The following TRPM8 variants were observed in gnomAD, a reference collection of about 807,000 sequenced individuals.
TRPM8 encodes TRPM8 cationic channel.
Under a neutral mutation model 133.7 loss-of-function variants are expected in TRPM8, and 110 were observed. The observed-to-expected ratio is 0.82, with a 90% confidence interval of 0.70 to 0.96. The LOEUF is 0.96. TRPM8 is among the 40% of genes least tolerant of loss of function. The pLI is 0.00. For missense variants in TRPM8, 1,291 were observed against 1,379.5 expected (o/e 0.94, Z 1.02); for synonymous variants, 535 against 532.3 (o/e 1.01, Z -0.07).
intron 21 of TRPM8, among the ~76,000 whole-genome samples, chr2:233,987,867 T>C (rs1692184980): frequency 6.7e-6 from 1 of 150,254 alleles, no homozygotes; most frequent in Admixed American, 6.6e-5. Context: ...GCTCTCATTC[T>C]GTTTGCCTGC....
intron 6 of TRPM8, 67 bp downstream of exon 6, chr2:233,942,815 C>A (rs761159630): frequency 1.3e-6 from 2 of 1,595,182 alleles, no homozygotes; most frequent in Admixed American, 1.7e-5. Flanking sequence ...GGGCCTGTGG[C>A]CTGAACCCTG....
chr2:233,961,158 TGCC>T, intron 12 of TRPM8, 92 bp downstream of exon 12: 1 of 1,258,958 alleles, frequency 7.9e-7, no homozygotes, highest in South Asian at 1.5e-5. Flanking sequence ...CCTATCTTAT[TGCC>T]ATAAAATACT....
intron 22 of TRPM8, among the ~76,000 whole-genome samples, chr2:233,998,942 G>A (rs980178122): frequency 5.3e-5 from 8 of 152,216 alleles, no homozygotes; most frequent in African/African-American, 1.4e-4. Context: ...GTGCTGACAA[G>A]GGATGTAGAG....
intron 2 of TRPM8, among the ~76,000 whole-genome samples, chr2:233,928,997 C>CTTTTTTTTT (rs750819533): frequency 8.5e-6 from 1 of 117,792 alleles, no homozygotes; most frequent in African/African-American, 3.9e-5. Context: ...AGTTTCTTTT[C>CTTTTTTTTT]TTTTTTTTTT....
Position 233,933,016 on chromosome 2 carries a change from C to T in TRPM8, c.191+2275C>T, listed in dbSNP as rs75484131. Among the ~76,000 whole-genome samples, 475 of 151,642 alleles carry T rather than the reference C, an allele frequency of 3.1e-3. 4 individuals are homozygous for T. Among genetic ancestry groups the T allele is most frequent in the African/African-American group, 0.011 (460 of 41,280 alleles). On this transcript the variant is annotated intron_variant, in intron 3 of 25. Transcript: ENST00000324695. ...CCTCTCTACTCTAACTTCTTGTGGACGCTACTGCAAGATGGTGCCGCACTT... is the reference window on the plus strand; with the variant it reads ...CCTCTCTACTCTAACTTCTTGTGGATGCTACTGCAAGATGGTGCCGCACTT...
chr2:233,949,485 T>C lies in TRPM8; in HGVS notation c.943-464T>C, dbSNP rs1691123680. ...TTATTTGAGGAGGGAAATATGTGAGTAAACATCACATAAAACATGTGGCTG... is the reference window on the plus strand; with the variant it reads ...TTATTTGAGGAGGGAAATATGTGAGCAAACATCACATAAAACATGTGGCTG... On this transcript the variant is annotated intron_variant, in intron 8 of 25. Coordinates refer to ENST00000324695, the MANE Select transcript of TRPM8 (RefSeq NM_024080.5). Among the ~76,000 whole-genome samples, 3 of 152,212 alleles carry C rather than the reference T, an allele frequency of 2.0e-5. 1 individual carries two copies. Among genetic ancestry groups the C allele is most frequent in the Non-Finnish European group, 4.4e-5 (3 of 68,044 alleles).
chr2:233,954,896 T>C (rs1476466904), intron 10 of TRPM8: 1 of 403,546 alleles, frequency 2.5e-6, no homozygotes, highest in Non-Finnish European at 4.5e-6. Context: ...TGCTAGGATA[T>C]GCAATGGAAA....
intron 3 of TRPM8, among the ~76,000 whole-genome samples, chr2:233,935,303 C>T (rs1691768626): frequency 6.6e-6 from 1 of 152,202 alleles, no homozygotes; most frequent in Admixed American, 6.5e-5. Context: ...GCTCCAGAGT[C>T]ACCATGTATG....
At chr2:233,924,588 T>G (rs143061518) in intron 1 of TRPM8, among the ~76,000 whole-genome samples, 53 of 152,300 alleles carry the variant, frequency 3.5e-4, no homozygotes, top group East Asian at 2.7e-3. Flanking sequence ...GAATATCAAC[T>G]GGTCTCAGAG....
intron 11 of TRPM8, among the ~76,000 whole-genome samples, chr2:233,958,348 G>T (rs1317092653): frequency 2.0e-5 from 3 of 152,210 alleles, no homozygotes; most frequent in Non-Finnish European, 4.4e-5. Context: ...AAGGTTGAGA[G>T]CAAAGATGTG....
rs766553250 is a variant in TRPM8, at chr2:233,955,240, G to A, written c.1352G>A (p.Arg451His). 10 of 1,613,426 alleles carry A rather than the reference G, an allele frequency of 6.2e-6. No individual in the cohort carries two copies. Among genetic ancestry groups the A allele is most frequent in the South Asian group, 2.2e-5 (2 of 91,050 alleles). The stretch of plus-strand genomic sequence containing the variant: ...AATGATGAGATTTTCACCAATGACC[G>A]CCGATGGGAGGTAAGCACGAAGCTC... ...LANDEIFTNDRRWESADLQEV... is the reference protein window; with the variant it reads ...LANDEIFTNDHRWESADLQEV... Residue 451 changes from arginine to histidine, a missense_variant, in exon 11 of 26, where the codon CGC (arginine) becomes CAC (histidine). Around this residue, in one of 2 missense-constraint regions of TRPM8, gnomAD observed 963 missense variants for 968.9 expected, o/e 0.99. Transcript: ENST00000324695.
At chr2:233,984,048 A>G (rs1692080093) in intron 20 of TRPM8, among the ~76,000 whole-genome samples, 1 of 152,200 alleles carries the variant, frequency 6.6e-6, no homozygotes, top group Non-Finnish European at 1.5e-5. Flanking sequence ...GCCGCTTTAC[A>G]GAAGCAGACG....
chr2:233,982,058 G>A, intron 19 of TRPM8, 143 bp downstream of exon 19: 2 of 922,880 alleles, frequency 2.2e-6, no homozygotes, highest in Non-Finnish European at 1.6e-6. Context: ...TATTTCATCA[G>A]GGGCCTCTCC....
At chr2:233,951,073 A>C (rs968202009) in intron 9 of TRPM8, among the ~76,000 whole-genome samples, 1 of 149,352 alleles carries the variant, frequency 6.7e-6, no homozygotes, top group South Asian at 2.1e-4. Context: ...AACAAACAAA[A>C]ATTACCCAGG....
intron 11 of TRPM8, 99 bp from the exon 12 acceptor site, chr2:233,960,677 G>A (rs1691410108): frequency 2.3e-6 from 2 of 884,420 alleles, no homozygotes; most frequent in Non-Finnish European, 1.8e-6. Flanking sequence ...ATTACTCTGT[G>A]GCTGGAAATA....
intron 3 of TRPM8, chr2:233,933,988 C>T: frequency 6.0e-6 from 1 of 167,188 alleles, no homozygotes. Flanking sequence ...GATTTTGGAT[C>T]CAGTCTCTAG....
At chr2:233,939,876 G>C (rs527378748) in intron 5 of TRPM8, among the ~76,000 whole-genome samples, 1 of 152,284 alleles carries the variant, frequency 6.6e-6, no homozygotes, top group Admixed American at 6.5e-5. Flanking sequence ...TGCCCCTCCT[G>C]TGAGAGGGGG....
intron 1 of TRPM8, among the ~76,000 whole-genome samples, chr2:233,921,564 A>T (rs189036256): frequency 6.6e-6 from 1 of 152,234 alleles, no homozygotes; most frequent in African/African-American, 2.4e-5. Flanking sequence ...TGCACCTGGG[A>T]TGGGGAAAAG....
chr2:233,966,584 T>C (rs200478559), intron 14 of TRPM8, 26 bp from the exon 15 acceptor site: 41 of 1,613,710 alleles, frequency 2.5e-5, no homozygotes, highest in Non-Finnish European at 3.4e-5. Flanking sequence ...TTACACCAGC[T>C]TCTCTCTGTG....
Sources: gnomAD v4.1 joint callset for allele counts (sites outside exome capture counted in the v4.1 genomes callset) on GRCh38, gnomAD v4.1.1 for gene constraint, gnomAD v4.1.1 regional missense constraint, MANE v1.5 for transcripts, NCBI Gene and HGNC (gene_info 2026-07-23, HGNC 2026-07-21) for gene names.